MTUS2: variants seen among roughly 807,000 people sequenced by gnomAD.
MTUS2 encodes microtubule-associated tumor suppressor candidate 2.
A neutral mutation model predicts 114.1 loss-of-function variants in MTUS2; 40 were observed. The ratio of observed to expected loss-of-function variants is 0.35; its 90% CI spans 0.27 to 0.46. The LOEUF is 0.46. Ranked by LOEUF, MTUS2 falls within the 20% of genes least tolerant of loss-of-function variation. The pLI is 1.00. For synonymous variants in MTUS2, 688 were observed against 672.0 expected, an observed-to-expected ratio of 1.02 and a Z score of -0.37; for missense variants, 1,679 against 1,705.4, an observed-to-expected ratio of 0.98 and a Z score of 0.27.
chr13:28,940,503 C>T (rs1882169641), intron 2 of MTUS2, among the ~76,000 whole-genome samples: 1 of 152,110 alleles, frequency 6.6e-6, no homozygotes, highest in South Asian at 2.1e-4. Context: ...GGAGGTTACC[C>T]TGTTACTGGA....
At chr13:29,121,726 G>A (rs1330038230) in intron 5 of MTUS2, among the ~76,000 whole-genome samples, 3 of 151,422 alleles carry the variant, frequency 2.0e-5, no homozygotes, top group African/African-American at 7.3e-5. Context: ...GCATGATCGC[G>A]GCTCACCGCA....
intron 5 of MTUS2, among the ~76,000 whole-genome samples, chr13:29,171,038 C>A (rs1008542392): frequency 1.3e-5 from 2 of 152,104 alleles, no homozygotes; most frequent in Non-Finnish European, 2.9e-5. Flanking sequence ...CAACTGTTTT[C>A]TCTGTGTTAA....
At chr13:29,379,635 T>G (rs1872049667) in intron 8 of MTUS2, among the ~76,000 whole-genome samples, 1 of 152,006 alleles carries the variant, frequency 6.6e-6, no homozygotes, top group Non-Finnish European at 1.5e-5. Flanking sequence ...AGGGAACAAG[T>G]GCCTGTTCTT....
chr13:29,141,618 A>G (rs1034652586), intron 5 of MTUS2, among the ~76,000 whole-genome samples: 6 of 152,210 alleles, frequency 3.9e-5, no homozygotes, highest in Non-Finnish European at 5.9e-5. Context: ...TACATACTTA[A>G]TAAGGATAAT....
intron 6 of MTUS2, among the ~76,000 whole-genome samples, chr13:29,321,260 A>G (rs1371340412): frequency 6.6e-6 from 1 of 152,190 alleles, no homozygotes; most frequent in African/African-American, 2.4e-5. Context: ...GGTCTAAGGA[A>G]AGAAGACAGA....
At chr13:29,413,127 C>T (rs959468722) in intron 8 of MTUS2, among the ~76,000 whole-genome samples, 1 of 152,122 alleles carries the variant, frequency 6.6e-6, no homozygotes, top group Non-Finnish European at 1.5e-5. Flanking sequence ...TAATCAGAAC[C>T]TTAATTTTAT....
At chr13:28,881,771 C>A (rs1173829405) in intron 2 of MTUS2, among the ~76,000 whole-genome samples, 1 of 152,006 alleles carries the variant, frequency 6.6e-6, no homozygotes, top group Non-Finnish European at 1.5e-5. Flanking sequence ...ACTTGTATAT[C>A]TTCTTTTAAG....
At chr13:29,470,664 T>C (rs535356536) in intron 9 of MTUS2, among the ~76,000 whole-genome samples, 4 of 152,382 alleles carry the variant, frequency 2.6e-5, no homozygotes, top group African/African-American at 7.2e-5. Flanking sequence ...CTGGGGACTT[T>C]CCACTGTTAC....
At chr13:28,998,897 A>T (rs1018977689) in intron 2 of MTUS2, among the ~76,000 whole-genome samples, 17 of 152,258 alleles carry the variant, frequency 1.1e-4, no homozygotes, top group South Asian at 4.1e-4. Flanking sequence ...AACTTGTCAA[A>T]GTCATTCTCT....
At chr13:28,925,550 G>A (rs1881279176) in intron 2 of MTUS2, among the ~76,000 whole-genome samples, 1 of 152,112 alleles carries the variant, frequency 6.6e-6, no homozygotes, top group Admixed American at 6.5e-5. Flanking sequence ...GATTGACTTG[G>A]TGGGGCTCAC....
intron 4 of MTUS2, among the ~76,000 whole-genome samples, chr13:29,051,128 TGAGCTGTTA>T (rs796089151): frequency 2.4e-4 from 36 of 152,284 alleles, no homozygotes; most frequent in African/African-American, 7.9e-4. Context: ...AGGTCAGTTG[TGAGCTGTTA>T]GAGTTTACAG....
At chr13:29,337,473 C>T (rs539127023) in intron 7 of MTUS2, among the ~76,000 whole-genome samples, 1 of 152,354 alleles carries the variant, frequency 6.6e-6, no homozygotes, top group East Asian at 1.9e-4. Context: ...CCATGGGCTG[C>T]ACCCACTGTC....
intron 8 of MTUS2, among the ~76,000 whole-genome samples, chr13:29,390,140 A>G (rs1873307854): frequency 1.5e-5 from 2 of 130,314 alleles, no homozygotes; most frequent in Admixed American, 1.7e-4. Flanking sequence ...TATACTGACT[A>G]TATATATATA....
At chr13:28,929,607 A>T (rs1277063486) in intron 2 of MTUS2, among the ~76,000 whole-genome samples, 2 of 152,180 alleles carry the variant, frequency 1.3e-5, no homozygotes, top group Admixed American at 1.3e-4. Flanking sequence ...TATGAAGGGG[A>T]GAGTCCACAC....
At position 29,503,528 on chromosome 13, in the gene MTUS2, G is replaced by T; in HGVS notation, c.*322G>T. The T allele has an allele frequency of 2.0e-6, 1 of 494,234 alleles. No homozygotes were observed. The highest frequency in any genetic ancestry group is 3.7e-6 in the Non-Finnish European group (1 of 270,888). 30.6% of individuals were successfully genotyped at this position (494,234 alleles called of 1,614,324 possible). A position where few individuals can be genotyped will look rare whatever the true frequency, so the allele number is the denominator to read the frequency against. ...AAAAGCTCAGTTTTCAATATACATT[G>T]AATAATCATTGTGTACTGCACCGAT... On this transcript the variant is annotated 3_prime_UTR_variant, in exon 16 of 16. Coordinates refer to ENST00000612955, the MANE Select transcript of MTUS2 (RefSeq NM_001033602.4).
chr13:28,971,417 G>A (rs1380618424), intron 2 of MTUS2, among the ~76,000 whole-genome samples: 1 of 152,114 alleles, frequency 6.6e-6, no homozygotes, highest in Non-Finnish European at 1.5e-5. Flanking sequence ...GGAATCCTCA[G>A]GCTCTCATTT....
intron 5 of MTUS2, among the ~76,000 whole-genome samples, chr13:29,154,517 AT>A (rs1303629017): frequency 1.8e-4 from 27 of 152,218 alleles, no homozygotes; most frequent in African/African-American, 6.0e-4. Flanking sequence ...TCGGGAATCA[AT>A]TTCATAAATA....
At chr13:28,900,387 C>T (rs146418098) in intron 2 of MTUS2, among the ~76,000 whole-genome samples, 87 of 152,282 alleles carry the variant, frequency 5.7e-4, no homozygotes, top group African/African-American at 2.1e-3. Flanking sequence ...TGAATTCCTT[C>T]ACCACCAGGA....
chr13:28,874,257 T>TCCCA (rs1877799962), intron 2 of MTUS2, among the ~76,000 whole-genome samples: 1 of 152,152 alleles, frequency 6.6e-6, no homozygotes, highest in Non-Finnish European at 1.5e-5. Context: ...CCCCTCGGCC[T>TCCCA]CCCAAAGTGC....
Sources: allele counts gnomAD v4.1 joint callset (sites outside exome capture counted in the v4.1 genomes callset), GRCh38; gene constraint gnomAD v4.1.1; transcripts MANE v1.5; gene names NCBI Gene and HGNC (gene_info 2026-07-23, HGNC 2026-07-21).